The following CCSER1 variants were observed in gnomAD, a reference collection of about 807,000 sequenced individuals.
CCSER1 encodes coiled-coil serine rich protein 1, also known as serine-rich coiled-coil domain-containing protein 1.
Under a neutral mutation model 82.0 loss-of-function variants are expected in CCSER1, and 41 were observed. The ratio of observed to expected loss-of-function variants is 0.50; its 90% CI spans 0.39 to 0.65. The LOEUF (loss-of-function observed/expected upper bound fraction) is 0.65. CCSER1 is among the 30% of genes least tolerant of loss of function. The pLI is 0.00. For missense variants in CCSER1, 1,119 were observed against 1,064.2 expected (o/e 1.05, Z -0.72); for synonymous variants, 414 against 383.9 (o/e 1.08, Z -0.92).
intron 10 of CCSER1, among the ~76,000 whole-genome samples, chr4:91,213,896 T>G (rs2149088898): frequency 6.6e-6 from 1 of 152,222 alleles, no homozygotes; most frequent in South Asian, 2.1e-4. Context: ...CCCTAACTGT[T>G]ATTACTGTGC....
chr4:90,534,286 C>T (rs750475214), intron 5 of CCSER1, among the ~76,000 whole-genome samples: 5 of 152,144 alleles, frequency 3.3e-5, no homozygotes, highest in African/African-American at 4.8e-5. Context: ...CCCGCCACCA[C>T]GCCTGGCTAA....
chr4:90,232,817 A>G (rs1405824397), intron 1 of CCSER1, among the ~76,000 whole-genome samples: 1 of 151,738 alleles, frequency 6.6e-6, no homozygotes, highest in African/African-American at 2.4e-5. Flanking sequence ...GGTGAAGGAC[A>G]TGAACAGACA....
chr4:90,599,663 C>T (rs922184837), intron 5 of CCSER1, among the ~76,000 whole-genome samples: 1 of 152,092 alleles, frequency 6.6e-6, no homozygotes, highest in Non-Finnish European at 1.5e-5. Context: ...CTTATGTGAC[C>T]ATCCTGAGTT....
chr4:91,002,912 T>G (rs28742050), intron 9 of CCSER1, among the ~76,000 whole-genome samples: 1 of 152,184 alleles, frequency 6.6e-6, no homozygotes, highest in African/African-American at 2.4e-5. Context: ...TGAAGGCTGC[T>G]GTTCAGATTC....
intron 8 of CCSER1, among the ~76,000 whole-genome samples, chr4:90,900,094 G>GTTTTTTTTTTTTTTTTTTTTTTTTT (rs70963096): frequency 6.9e-5 from 7 of 102,156 alleles, no homozygotes; most frequent in South Asian, 3.2e-4. Flanking sequence ...TGGTCCCAGA[G>GTTTTTTTTTTTTTTTTTTTTTTTTT]TTTTTTTTTT....
intron 8 of CCSER1, among the ~76,000 whole-genome samples, chr4:90,838,292 T>G (rs1194494536): frequency 6.6e-6 from 1 of 151,616 alleles, no homozygotes; most frequent in Non-Finnish European, 1.5e-5. Context: ...GGAAGCTTTC[T>G]TATTGTATTT....
chr4:90,688,857 A>G (rs1735295875), intron 6 of CCSER1, among the ~76,000 whole-genome samples: 1 of 152,188 alleles, frequency 6.6e-6, no homozygotes, highest in Admixed American at 6.6e-5. Flanking sequence ...GCATCTCAGT[A>G]TAAATACATA....
chr4:90,881,090 A>C (rs1215828715), intron 8 of CCSER1, among the ~76,000 whole-genome samples: 1 of 152,088 alleles, frequency 6.6e-6, no homozygotes, highest in African/African-American at 2.4e-5. Context: ...AAACATAAGT[A>C]TGATTTCTTA....
chr4:90,834,538 TAC>T (rs1396120480), intron 8 of CCSER1, among the ~76,000 whole-genome samples: 1 of 152,218 alleles, frequency 6.6e-6, no homozygotes, highest in East Asian at 1.9e-4. Flanking sequence ...TTATCACTGA[TAC>T]AAATTAAGAA....
At chr4:91,592,970 T>C (rs938396585) in intron 10 of CCSER1, among the ~76,000 whole-genome samples, 1 of 152,256 alleles carries the variant, frequency 6.6e-6, no homozygotes, top group South Asian at 2.1e-4. Context: ...TACCAATAAT[T>C]TTTACAAAAC....
intron 6 of CCSER1, among the ~76,000 whole-genome samples, chr4:90,692,350 A>AT (rs1207161824): frequency 1.3e-5 from 2 of 151,878 alleles, no homozygotes; most frequent in Non-Finnish European, 2.9e-5. Flanking sequence ...CTTCAAATAA[A>AT]TTTTTGGCAT....
intron 3 of CCSER1, among the ~76,000 whole-genome samples, chr4:90,378,900 T>C (rs1399136935): frequency 6.6e-6 from 1 of 152,110 alleles, no homozygotes; most frequent in African/African-American, 2.4e-5. Context: ...TTTAAATATA[T>C]AGTAACTCAG....
intron 1 of CCSER1, among the ~76,000 whole-genome samples, chr4:90,274,265 T>G (rs962127392): frequency 2.0e-5 from 3 of 152,134 alleles, no homozygotes; most frequent in African/African-American, 7.2e-5. Context: ...TAGTGGTAGA[T>G]TCATGTCATC....
At position 90,232,326 on chromosome 4, in the gene CCSER1, A is replaced by G. The variant is rs370916219; in HGVS notation, c.-41-75918A>G. Among the ~76,000 whole-genome samples, 62 of 151,672 alleles carry G rather than the reference A, an allele frequency of 4.1e-4. 1 individual carries two copies. In the East Asian group the frequency reaches 5.4e-3, roughly 13 times the overall value. On this transcript the variant is annotated intron_variant, in intron 1 of 10. Transcript: ENST00000509176. The stretch of plus-strand genomic sequence containing the variant: ...CCCTCAGAAATAATGCCGCATATCT[A>G]CAACTATCTGATCTTTGACAAACCT...
intron 10 of CCSER1, among the ~76,000 whole-genome samples, chr4:91,332,354 C>T (rs1053291141): frequency 1.3e-5 from 2 of 151,556 alleles, no homozygotes; most frequent in African/African-American, 4.8e-5. Flanking sequence ...CTTACAAACC[C>T]TGTGGGAAAA....
At chr4:91,421,936 G>A (rs1397447074) in intron 10 of CCSER1, among the ~76,000 whole-genome samples, 5 of 152,114 alleles carry the variant, frequency 3.3e-5, no homozygotes, top group East Asian at 3.9e-4. Flanking sequence ...AGCCAGGATC[G>A]AAGAAATGCA....
chr4:90,539,944 T>A (rs1037357786), intron 5 of CCSER1, among the ~76,000 whole-genome samples: 2 of 152,022 alleles, frequency 1.3e-5, no homozygotes, highest in Non-Finnish European at 2.9e-5. Flanking sequence ...AACACATTTA[T>A]AGAGACCCTT....
At chr4:91,065,457 A>G (rs1720708122) in intron 9 of CCSER1, among the ~76,000 whole-genome samples, 1 of 152,174 alleles carries the variant, frequency 6.6e-6, no homozygotes, top group African/African-American at 2.4e-5. Flanking sequence ...GATATATACA[A>G]GGTTAGAATT....
chr4:90,561,213 C>T (rs73833286), intron 5 of CCSER1, among the ~76,000 whole-genome samples: 4,074 of 152,228 alleles, frequency 0.027, 137 homozygotes, highest in South Asian at 0.087. Flanking sequence ...CTATCTCCTG[C>T]CTCAACACCA....
Sources: allele counts gnomAD v4.1 joint callset (sites outside exome capture counted in the v4.1 genomes callset), GRCh38; gene constraint gnomAD v4.1.1; transcripts MANE v1.5; gene names NCBI Gene and HGNC (gene_info 2026-07-23, HGNC 2026-07-21).